The following ZNF407 variants were observed in gnomAD, a reference collection of about 807,000 sequenced individuals.
ZNF407 encodes zinc finger protein 407.
A neutral mutation model predicts 131.2 loss-of-function variants in ZNF407; 17 were observed. The ratio of observed to expected loss-of-function variants is 0.13; its 90% confidence interval spans 0.09 to 0.19. ZNF407 has a LOEUF of 0.19. ZNF407 is among the 10% of genes least tolerant of loss of function. ZNF407 has a pLI of 1.00. For missense variants in ZNF407, 2,681 were observed against 2,830.6 expected, an observed-to-expected ratio of 0.95 and a Z score of 1.20; for synonymous variants, 1,156 against 1,062.0, an observed-to-expected ratio of 1.09 and a Z score of -1.72.
At chr18:74,647,064 A>G (rs1169914750) in intron 3 of ZNF407, among the ~76,000 whole-genome samples, 4 of 152,150 alleles carry the variant, frequency 2.6e-5, no homozygotes, top group African/African-American at 9.7e-5. Flanking sequence ...AGTCTTTTCC[A>G]GTGAAACAAT....
intron 3 of ZNF407, among the ~76,000 whole-genome samples, chr18:74,662,040 A>ATT (rs80024495): frequency 7.3e-6 from 1 of 137,142 alleles, no homozygotes; most frequent in Non-Finnish European, 1.6e-5. Context: ...TAAAGATGGG[A>ATT]TTTTTTTTTT....
intron 8 of ZNF407, among the ~76,000 whole-genome samples, chr18:75,030,671 A>G (rs1163136297): frequency 6.6e-6 from 1 of 152,230 alleles, no homozygotes; most frequent in Non-Finnish European, 1.5e-5. Context: ...TAGTGGCCAC[A>G]GAAGGCATTT....
chr18:75,035,665 G>A (rs374425366), intron 8 of ZNF407, among the ~76,000 whole-genome samples: 25 of 152,344 alleles, frequency 1.6e-4, no homozygotes, highest in East Asian at 1.5e-3. Context: ...TGGCTGATAC[G>A]TCCTGCAGCT....
At position 74,632,942 on chromosome 18, in the gene ZNF407, T is replaced by C; in HGVS notation, c.1923T>C (p.Asn641=). The C allele has an allele frequency of 6.2e-7, 1 of 1,613,312 alleles. No individual in the cohort carries two copies. The highest frequency in any genetic ancestry group is 2.2e-5 in the East Asian group (1 of 44,872). ...EEHKATEKHI[N]SLVQPKTLQS... ...ACAAAGCCACCGAGAAGCATATTAA[T>C]TCATTGGTTCAACCAAAGACTTTGC... Residue 641 remains asparagine (N), a synonymous_variant, in exon 2 of 9, where the codon AAT becomes AAC. Coordinates refer to ENST00000299687, the MANE Select transcript of ZNF407 (RefSeq NM_017757.3).
At chr18:74,618,604 G>T (rs955850176) in intron 1 of ZNF407, among the ~76,000 whole-genome samples, 1 of 151,968 alleles carries the variant, frequency 6.6e-6, no homozygotes, top group East Asian at 1.9e-4. Context: ...AAAAAATGAG[G>T]TAGTCATTAT....
intron 3 of ZNF407, among the ~76,000 whole-genome samples, chr18:74,761,538 A>T (rs558659958): frequency 7.2e-5 from 11 of 152,260 alleles, no homozygotes; most frequent in African/African-American, 2.4e-4. Context: ...CAAATGTTAG[A>T]ACTTGCTAAT....
Position 75,064,073 on chromosome 18 carries a change from G to C in ZNF407, c.6352G>C (p.Gly2118Arg), listed in dbSNP as rs768098674. 3 of 1,588,786 alleles carry C rather than the reference G, an allele frequency of 1.9e-6. No homozygotes were observed. Among genetic ancestry groups the C allele is most frequent in the African/African-American group, 2.7e-5 (2 of 74,384 alleles). The change falls in exon 9 of 9, where the codon GGG becomes CGG. Residue 2118 changes from glycine (G) to arginine (R), a missense_variant. By Grantham distance (125) the Gly-to-Arg change is moderately radical (BLOSUM62 -2). Coordinates refer to ENST00000299687, the MANE Select transcript of ZNF407 (RefSeq NM_017757.3). ...SEEGAVHMVA[G>R]EGAQIIMQEA... ...AGAGGGTGCCGTCCACATGGTCGCCGGGGAGGGTGCCCAGATCATCATGCA... is the reference window on the plus strand; with the variant it reads ...AGAGGGTGCCGTCCACATGGTCGCCCGGGAGGGTGCCCAGATCATCATGCA...
At position 75,044,522 on chromosome 18, in the gene ZNF407, G is replaced by A. The variant is rs554153219; in HGVS notation, c.5429-18628G>A. Among the ~76,000 whole-genome samples the A allele has an allele frequency of 2.0e-3, 306 of 152,034 alleles. 2 individuals are homozygous for A. Among genetic ancestry groups the A allele is most frequent in the African/African-American group, 7.0e-3 (292 of 41,452 alleles). ...ATGTAGTGTTTGCTTTTGTTCTTTC[G>A]TTATGTCTTATTCCTCCAGTATTAG... On this transcript the variant is annotated intron_variant, in intron 8 of 8. Transcript: ENST00000299687.
At chr18:74,938,515 C>A (rs1440023623) in intron 8 of ZNF407, among the ~76,000 whole-genome samples, 3 of 152,082 alleles carry the variant, frequency 2.0e-5, no homozygotes, top group Non-Finnish European at 4.4e-5. Flanking sequence ...TTACCTCCAA[C>A]CATTTTTTAA....
At chr18:74,852,285 A>T (rs1242108441) in intron 4 of ZNF407, among the ~76,000 whole-genome samples, 1 of 152,206 alleles carries the variant, frequency 6.6e-6, no homozygotes. Flanking sequence ...AGTAATTTTT[A>T]AAATTTATAC....
chr18:74,660,271 T>C (rs1262275524), intron 3 of ZNF407, among the ~76,000 whole-genome samples: 1 of 152,126 alleles, frequency 6.6e-6, no homozygotes, highest in African/African-American at 2.4e-5. Context: ...ATTGGTCAAG[T>C]TGCAAGATTT....
At chr18:74,673,014 C>T (rs1034920401) in intron 3 of ZNF407, among the ~76,000 whole-genome samples, 8 of 152,150 alleles carry the variant, frequency 5.3e-5, no homozygotes, top group East Asian at 3.9e-4. Context: ...TTGGAAGAGA[C>T]GAAGTTAGTA....
chr18:74,735,911 T>A (rs1473461929), intron 3 of ZNF407, among the ~76,000 whole-genome samples: 1 of 152,196 alleles, frequency 6.6e-6, no homozygotes, highest in Non-Finnish European at 1.5e-5. Flanking sequence ...TAGCTGAAAA[T>A]GAGCAGAACG....
intron 3 of ZNF407, among the ~76,000 whole-genome samples, chr18:74,683,514 T>G (rs999342514): frequency 6.6e-6 from 1 of 152,220 alleles, no homozygotes; most frequent in Non-Finnish European, 1.5e-5. Context: ...TATGTCTGAA[T>G]TTTGAGATGC....
At chr18:74,980,704 C>T (rs1972582367) in intron 8 of ZNF407, among the ~76,000 whole-genome samples, 1 of 152,154 alleles carries the variant, frequency 6.6e-6, no homozygotes, top group African/African-American at 2.4e-5. Context: ...TAAGAAGATT[C>T]ATTTGCAGGC....
intron 1 of ZNF407, among the ~76,000 whole-genome samples, chr18:74,624,824 A>C (rs1037202564): frequency 6.6e-6 from 1 of 152,154 alleles, no homozygotes; most frequent in Non-Finnish European, 1.5e-5. Flanking sequence ...AACTGTTCCT[A>C]CTTGCCCCCT....
intron 4 of ZNF407, among the ~76,000 whole-genome samples, chr18:74,782,558 C>A (rs1969624112): frequency 9.5e-6 from 1 of 104,896 alleles, no homozygotes; most frequent in South Asian, 3.5e-4. Context: ...CCCTCCCCTC[C>A]TCTTCTCTTC....
intron 3 of ZNF407, among the ~76,000 whole-genome samples, chr18:74,673,053 GGCT>G (rs545772798): frequency 6.6e-6 from 1 of 152,078 alleles, no homozygotes; most frequent in African/African-American, 2.4e-5. Flanking sequence ...GTATTACAAT[GGCT>G]GCTATCTCTT....
chr18:74,665,073 A>G (rs1357960924), intron 3 of ZNF407, among the ~76,000 whole-genome samples: 1 of 152,252 alleles, frequency 6.6e-6, no homozygotes, highest in Middle Eastern at 3.2e-3. Flanking sequence ...AAGGATTTGA[A>G]TTATTTAGCA....
Sources: gnomAD v4.1 joint callset for allele counts (sites outside exome capture counted in the v4.1 genomes callset) on GRCh38, gnomAD v4.1.1 for gene constraint, MANE v1.5 for transcripts, NCBI Gene and HGNC (gene_info 2026-07-23, HGNC 2026-07-21) for gene names.